Variants in ROBO2 observed in about 807,000 individuals in gnomAD.
ROBO2 encodes roundabout guidance receptor 2, also known as roundabout homolog 2.
In ROBO2, 53 loss-of-function variants were observed where a neutral mutation model predicts 160.8. The ratio of observed to expected loss-of-function variants is 0.33; its 90% CI spans 0.26 to 0.41. The LOEUF is 0.41. ROBO2 is among the 10% of genes least tolerant of loss of function. The probability of loss-of-function intolerance (pLI) is 1.00; values close to 1 mark genes in which losing one functional copy is unlikely to be tolerated. For missense variants in ROBO2, 1,577 were observed against 1,722.4 expected (o/e 0.92, Z 1.49); for synonymous variants, 664 against 611.7 (o/e 1.09, Z -1.26).
rs145458890 is a variant in ROBO2 at position 77,192,212 on chromosome 3, T to C, written c.388+93872T>C. Among the ~76,000 whole-genome samples the C allele has an allele frequency of 2.2e-3, 328 of 152,316 alleles. 3 individuals carry two copies. The highest frequency in any genetic ancestry group is 7.6e-3 in the African/African-American group (317 of 41,574). On this transcript the variant is annotated intron_variant, in intron 2 of 25. Coordinates refer to ENST00000461745, the Ensembl canonical transcript of ROBO2. ...ATATATTCTCAATGATATTATTCTATCTTTGCAAGTATTTTTAGTGTTCTG... is the reference window on the plus strand; with the variant it reads ...ATATATTCTCAATGATATTATTCTACCTTTGCAAGTATTTTTAGTGTTCTG...
At chr3:77,407,709 C>A (rs1214578994) in intron 2 of ROBO2, among the ~76,000 whole-genome samples, 1 of 152,168 alleles carries the variant, frequency 6.6e-6, no homozygotes, top group Non-Finnish European at 1.5e-5. Context: ...TTGCCTAAAC[C>A]AAACTATGTT....
intron 2 of ROBO2, among the ~76,000 whole-genome samples, chr3:76,376,897 T>C (rs1016972068): frequency 2.0e-5 from 3 of 152,240 alleles, no homozygotes; most frequent in Admixed American, 2.0e-4. Context: ...GTTTAGGTTC[T>C]GGTTGTATCC....
intron 4 of ROBO2, among the ~76,000 whole-genome samples, chr3:77,487,763 A>G (rs576033528): frequency 6.6e-6 from 1 of 152,294 alleles, no homozygotes; most frequent in East Asian, 1.9e-4. Flanking sequence ...TTTATTACAT[A>G]GCTTTGGTCT....
At chr3:77,640,194 A>C (rs568203020) in intron 24 of ROBO2, among the ~76,000 whole-genome samples, 22 of 132,672 alleles carry the variant, frequency 1.7e-4, no homozygotes, top group Non-Finnish European at 2.3e-4. Context: ...TCACTGCAAG[A>C]TCCGCCTCCC....
intron 2 of ROBO2, among the ~76,000 whole-genome samples, chr3:76,728,174 T>A (rs1560454838): frequency 6.6e-6 from 1 of 151,834 alleles, no homozygotes; most frequent in Non-Finnish European, 1.5e-5. Flanking sequence ...ATCATACAGG[T>A]CTTTGCTATA....
chr3:76,064,245 C>T (rs2068167917), intron 2 of ROBO2, among the ~76,000 whole-genome samples: 3 of 152,110 alleles, frequency 2.0e-5, no homozygotes, highest in South Asian at 2.1e-4. Context: ...TGTTGTGTTA[C>T]GCTTCTAATT....
At chr3:76,025,975 TTC>T (rs1180282782) in intron 2 of ROBO2, among the ~76,000 whole-genome samples, 2 of 151,904 alleles carry the variant, frequency 1.3e-5, no homozygotes, top group Non-Finnish European at 2.9e-5. Context: ...AAACTGAAAT[TTC>T]TCTTTGTCTA....
At chr3:76,538,885 T>A (rs2082662850) in intron 2 of ROBO2, among the ~76,000 whole-genome samples, 1 of 152,174 alleles carries the variant, frequency 6.6e-6, no homozygotes, top group Non-Finnish European at 1.5e-5. Flanking sequence ...ATCTGTAATA[T>A]ATCTAGTGGA....
chr3:76,305,705 G>A (rs1485415894), intron 2 of ROBO2, among the ~76,000 whole-genome samples: 4 of 151,866 alleles, frequency 2.6e-5, no homozygotes, highest in Admixed American at 6.6e-5. Context: ...GTTGCAATGA[G>A]CTGAGACTGC....
intron 2 of ROBO2, among the ~76,000 whole-genome samples, chr3:77,196,252 G>A (rs552547402): frequency 5.3e-5 from 8 of 151,786 alleles, no homozygotes; most frequent in Non-Finnish European, 7.4e-5. Flanking sequence ...ATTGTAGTAC[G>A]AATGTCTGTA....
At chr3:76,702,495 GTTAT>G (rs1431770334) in intron 2 of ROBO2, among the ~76,000 whole-genome samples, 3 of 151,424 alleles carry the variant, frequency 2.0e-5, no homozygotes, top group East Asian at 1.9e-4. Flanking sequence ...ATTCAGAGAA[GTTAT>G]TTATTTATTT....
At chr3:76,559,696 C>T (rs998600276) in intron 2 of ROBO2, among the ~76,000 whole-genome samples, 1 of 152,018 alleles carries the variant, frequency 6.6e-6, no homozygotes, top group Non-Finnish European at 1.5e-5. Flanking sequence ...CACCTGTGCA[C>T]CTTTGGCTCC....
intron 2 of ROBO2, among the ~76,000 whole-genome samples, chr3:75,990,296 A>G (rs962115598): frequency 1.3e-5 from 2 of 152,198 alleles, no homozygotes; most frequent in African/African-American, 2.4e-5. Context: ...GGCTAACAGA[A>G]TCATAGAGGT....
chr3:76,837,111 C>T (rs1197911428), intron 2 of ROBO2, among the ~76,000 whole-genome samples: 1 of 151,800 alleles, frequency 6.6e-6, no homozygotes, highest in Non-Finnish European at 1.5e-5. Flanking sequence ...TTGGGTAGTG[C>T]ATTTTTATTA....
intron 2 of ROBO2, among the ~76,000 whole-genome samples, chr3:76,291,851 A>G (rs1708818646): frequency 6.6e-6 from 1 of 151,672 alleles, no homozygotes; most frequent in African/African-American, 2.4e-5. Context: ...GTATTAATTT[A>G]TATTTTTATT....
chr3:75,948,683 C>G (rs1948421248), intron 2 of ROBO2, among the ~76,000 whole-genome samples: 1 of 152,028 alleles, frequency 6.6e-6, no homozygotes, highest in African/African-American at 2.4e-5. Flanking sequence ...AGAATGTGGC[C>G]TTTCATGAGC....
At chr3:77,575,047 G>C (rs774784818) in intron 14 of ROBO2, among the ~76,000 whole-genome samples, 10 of 152,172 alleles carry the variant, frequency 6.6e-5, no homozygotes, top group Non-Finnish European at 1.0e-4. Flanking sequence ...CAGACGACTG[G>C]AAATTTGAGA....
chr3:77,181,225 T>C (rs1299822031), intron 2 of ROBO2, among the ~76,000 whole-genome samples: 1 of 152,084 alleles, frequency 6.6e-6, no homozygotes, highest in Non-Finnish European at 1.5e-5. Flanking sequence ...TAGGGTTTTG[T>C]AGTGAATCCA....
chr3:76,288,821 T>C (rs1240950056), intron 2 of ROBO2, among the ~76,000 whole-genome samples: 1 of 152,200 alleles, frequency 6.6e-6, no homozygotes, highest in Non-Finnish European at 1.5e-5. Context: ...GGACATGTTC[T>C]CATTCTTTTC....
Sources: gnomAD v4.1 joint callset for allele counts (sites outside exome capture counted in the v4.1 genomes callset) on GRCh38, gnomAD v4.1.1 for gene constraint, MANE v1.5 for transcripts, NCBI Gene and HGNC (gene_info 2026-07-23, HGNC 2026-07-21) for gene names.